The following ZNF138 variants were observed in gnomAD, a reference collection of about 807,000 sequenced individuals.
The protein encoded by ZNF138 is zinc finger protein 138, also known as zinc finger protein 138 (clone pHZ-32).
ZNF138 carries 33 observed loss-of-function variants against 33.0 expected under a neutral mutation model. That is an observed-to-expected ratio of 1.00 (90% CI 0.76 to 1.34). The LOEUF (loss-of-function observed/expected upper bound fraction) is 1.34. ZNF138 is among the 40% of genes most tolerant of loss of function. ZNF138 has a pLI of 0.00. For missense variants in ZNF138, 360 were observed against 370.8 expected (o/e 0.97, Z 0.24); for synonymous variants, 139 against 120.4 (o/e 1.15, Z -1.01).
At chr7:64,837,283 G>C (rs140196355), downstream of ZNF138, among the ~76,000 whole-genome samples, 30 of 152,186 alleles carry the variant, frequency 2.0e-4, no homozygotes, top group African/African-American at 6.7e-4. Context: ...TACCATGTAG[G>C]GGCCTTTCCA....
intron 3 of ZNF138, among the ~76,000 whole-genome samples, chr7:64,822,429 T>G (rs1789244832): frequency 6.6e-6 from 1 of 151,658 alleles, no homozygotes; most frequent in Admixed American, 6.6e-5. Context: ...TTAACAGTGA[T>G]TTTTTAGGTC....
rs540851243 is a variant in ZNF138, at chr7:64,806,139, G to C, written c.4-8779G>C. Among the ~76,000 whole-genome samples the C allele has an allele frequency of 3.4e-3, 520 of 152,232 alleles. 8 individuals are homozygous for C. Among genetic ancestry groups the C allele is most frequent in the African/African-American group, 0.012 (501 of 41,534 alleles). On this transcript the variant is annotated intron_variant, in intron 1 of 3. Coordinates refer to ENST00000307355, the MANE Select transcript of ZNF138 (RefSeq NM_001271639.2). ...TAACCACATATAATATAAACATACA[G>C]GGTGCCAACCAAGCTTTAATCTAGA...
chr7:64,847,234 AGGCTGAGGTG>A, the ZNF138 span, among the ~76,000 whole-genome samples: 41 of 151,016 alleles, frequency 2.7e-4, no homozygotes, highest in Admixed American at 1.3e-3. Flanking sequence ...GCACTTTGGG[AGGCTGAGGTG>A]GGCAGATCAC....
Position 64,832,450 on chromosome 7 carries a change from A to C in ZNF138, c.*248A>C. 7.1e-7 allele frequency: 1 copy of C among 1,400,292 alleles called. No individual in the cohort carries two copies. The allele number at this position is 1,400,292 out of a possible 1,614,324, so 86.7% of individuals were successfully genotyped here. The stretch of plus-strand genomic sequence containing the variant: ...GAATGTGGAAAAGCTTTTCACCGAT[A>C]CTCAATCCTTAGTACACATAAGAAA... On this transcript the variant is annotated 3_prime_UTR_variant, in exon 4 of 4. Transcript: ENST00000307355.
At chr7:64,813,603 T>A (rs1387169270) in intron 1 of ZNF138, among the ~76,000 whole-genome samples, 1 of 151,994 alleles carries the variant, frequency 6.6e-6, no homozygotes, top group Non-Finnish European at 1.5e-5. Context: ...CCGGCTAATT[T>A]TTTTGTATTT....
chr7:64,804,471 C>A (rs1787413656), intron 1 of ZNF138, among the ~76,000 whole-genome samples: 1 of 152,188 alleles, frequency 6.6e-6, no homozygotes, highest in African/African-American at 2.4e-5. Flanking sequence ...AAGCTCCCGG[C>A]TGAATAAAGC....
intron 1 of ZNF138, among the ~76,000 whole-genome samples, chr7:64,801,431 C>A (rs1423686313): frequency 6.6e-6 from 1 of 152,120 alleles, no homozygotes; most frequent in Non-Finnish European, 1.5e-5. Context: ...AAAAGTTATT[C>A]AGGTACAGGT....
intron 1 of ZNF138, among the ~76,000 whole-genome samples, chr7:64,809,468 T>C (rs185308815): frequency 0.6 from 337 of 564 alleles, 116 homozygotes; most frequent in East Asian, 0.83. Context: ...CCCTCCCGGA[T>C]GGGGCGGCTG....
At chr7:64,821,344 C>T (rs971382918) in intron 3 of ZNF138, among the ~76,000 whole-genome samples, 1 of 151,326 alleles carries the variant, frequency 6.6e-6, no homozygotes, top group Non-Finnish European at 1.5e-5. Context: ...CCACCTCAGC[C>T]TCCCAAAGTG....
chr7:64,821,035 G>GGT (rs147837519), intron 3 of ZNF138, among the ~76,000 whole-genome samples: 41 of 146,008 alleles, frequency 2.8e-4, no homozygotes, highest in East Asian at 1.0e-3. Context: ...TGAGGTGATT[G>GGT]TTTTTTTTTG....
At chr7:64,820,034 C>T (rs1788986847) in intron 3 of ZNF138, among the ~76,000 whole-genome samples, 2 of 22,468 alleles carry the variant, frequency 8.9e-5, no homozygotes, top group South Asian at 2.6e-3. Flanking sequence ...AATTGTGCCA[C>T]TGCACTCCAG....
intron 1 of ZNF138, among the ~76,000 whole-genome samples, chr7:64,810,685 G>C (rs939987719): frequency 4.6e-5 from 7 of 152,098 alleles, no homozygotes; most frequent in African/African-American, 1.7e-4. Flanking sequence ...AAATACCCCA[G>C]TGGCATAGAG....
chr7:64,800,590 T>G (rs1202713103), intron 1 of ZNF138, among the ~76,000 whole-genome samples: 1 of 152,180 alleles, frequency 6.6e-6, no homozygotes. Context: ...AATTTGCCAG[T>G]ATTTTATTGA....
At chr7:64,840,788 T>G in the ZNF138 span, among the ~76,000 whole-genome samples, 6 of 152,150 alleles carry the variant, frequency 3.9e-5, no homozygotes, top group African/African-American at 1.4e-4. Context: ...ACATACAGAA[T>G]TTTAGTTTTA....
intron 3 of ZNF138, among the ~76,000 whole-genome samples, chr7:64,828,272 T>G (rs1789808744): frequency 6.6e-6 from 1 of 152,184 alleles, no homozygotes; most frequent in African/African-American, 2.4e-5. Context: ...TTAGTCATCT[T>G]AATGTTATGC....
chr7:64,857,658 T>TA, the ZNF138 span, among the ~76,000 whole-genome samples: 3 of 196 alleles, frequency 0.015, no homozygotes, highest in African/African-American at 0.015. Flanking sequence ...AAAAATAAAT[T>TA]TAAAAAAAAA....
chr7:64,801,743 C>CTGTGGGGTGT (rs1363605949), intron 1 of ZNF138, among the ~76,000 whole-genome samples: 1 of 152,084 alleles, frequency 6.6e-6, no homozygotes, highest in Admixed American at 6.6e-5. Flanking sequence ...CTAATAGTGT[C>CTGTGGGGTGT]TGTGGGGTGT....
intron 3 of ZNF138, among the ~76,000 whole-genome samples, chr7:64,817,457 C>T (rs1302430568): frequency 6.7e-6 from 1 of 150,236 alleles, no homozygotes; most frequent in African/African-American, 2.5e-5. Flanking sequence ...GAACACTCCT[C>T]CATCTGGGGT....
chr7:64,832,988 T>C lies in ZNF138; in HGVS notation c.*786T>C. ...TTACTATGCATAAGAAAATTCAAAC[T>C]GGAGAGAAACTCTACAAATGTGAAG... On this transcript the variant is annotated 3_prime_UTR_variant, in exon 4 of 4. Coordinates refer to ENST00000307355, the MANE Select transcript of ZNF138 (RefSeq NM_001271639.2). 1 of 428,100 alleles carries C rather than the reference T, an allele frequency of 2.3e-6. No homozygotes were observed. Among genetic ancestry groups the C allele is most frequent in the South Asian group, 1.8e-5 (1 of 55,132 alleles). 26.5% of individuals were successfully genotyped at this position (428,100 alleles called of 1,614,324 possible).
Sources: allele counts gnomAD v4.1 joint callset (sites outside exome capture counted in the v4.1 genomes callset), GRCh38; gene constraint gnomAD v4.1.1; transcripts MANE v1.5; gene names NCBI Gene and HGNC (gene_info 2026-07-23, HGNC 2026-07-21).